KALRN: variants seen among roughly 807,000 people sequenced by gnomAD.
The protein encoded by KALRN is kalirin.
In KALRN, 70 loss-of-function variants were observed where a neutral mutation model predicts 353.7. The ratio of observed to expected loss-of-function variants is 0.20; its 90% confidence interval spans 0.16 to 0.24. The LOEUF (loss-of-function observed/expected upper bound fraction) is 0.24, where lower values mean the gene tolerates loss of function less well. KALRN is among the 10% of genes least tolerant of loss of function. The probability of loss-of-function intolerance (pLI) is 1.00; values close to 1 mark genes in which losing one functional copy is unlikely to be tolerated. For missense variants in KALRN, 2,791 were observed against 3,756.7 expected (o/e 0.74, Z 6.72); for synonymous variants, 1,391 against 1,434.8 (o/e 0.97, Z 0.69).
intron 1 of KALRN, among the ~76,000 whole-genome samples, chr3:124,138,651 TCTC>T (rs1350053210): frequency 6.6e-6 from 1 of 152,206 alleles, no homozygotes; most frequent in Non-Finnish European, 1.5e-5. Flanking sequence ...CCTTATGTAT[TCTC>T]CTCCTCCTTT....
intron 34 of KALRN, among the ~76,000 whole-genome samples, chr3:124,596,219 C>T (rs996738868): frequency 6.7e-6 from 1 of 149,850 alleles, no homozygotes; most frequent in African/African-American, 2.5e-5. Flanking sequence ...TGCAGTAGCT[C>T]ATGTCTGTAA....
chr3:124,113,742 G>C (rs944444463), intron 1 of KALRN, among the ~76,000 whole-genome samples: 1 of 152,244 alleles, frequency 6.6e-6, no homozygotes, highest in African/African-American at 2.4e-5. Context: ...CTCAGCCTGC[G>C]AGGCTCAAGG....
At chr3:124,480,492 A>G (rs774741651) in intron 27 of KALRN, among the ~76,000 whole-genome samples, 48 of 152,154 alleles carry the variant, frequency 3.2e-4, no homozygotes, top group Non-Finnish European at 4.6e-4. Flanking sequence ...AGCTTAGGGC[A>G]TGCCCCTACA....
intron 51 of KALRN, among the ~76,000 whole-genome samples, chr3:124,693,582 G>T (rs1168713988): frequency 2.0e-5 from 3 of 152,144 alleles, no homozygotes; most frequent in Non-Finnish European, 2.9e-5. Flanking sequence ...TGCCAGGCAG[G>T]AATGTGAACA....
Position 124,571,432 on chromosome 3 carries a change from GCA to G in KALRN, c.5182+8344_5182+8345del, listed in dbSNP as rs1288003600. ...ACACCTGATCTGTTGTCCTCTCTGG[GCA>G]TAGAGCTTAGAGGCAAGTGCCTTCT... On this transcript the variant is annotated intron_variant, in intron 34 of 59. Coordinates refer to ENST00000682506, the MANE Select transcript of KALRN (RefSeq NM_001388419.1). Among the ~76,000 whole-genome samples the G allele has an allele frequency of 4.6e-5, 7 of 152,306 alleles. No individual in the cohort carries two copies. In the East Asian group the frequency reaches 1.3e-3, roughly 29 times the overall value.
At chr3:124,051,893 G>T (rs78630271) in intron 1 of KALRN, among the ~76,000 whole-genome samples, 2,168 of 152,308 alleles carry the variant, frequency 0.014, 54 homozygotes, top group African/African-American at 0.048. Flanking sequence ...AGAGCAGTGG[G>T]CTGGGTTTCG....
At chr3:124,672,852 A>G (rs771628156) in intron 48 of KALRN, among the ~76,000 whole-genome samples, 5 of 152,210 alleles carry the variant, frequency 3.3e-5, no homozygotes, top group Admixed American at 1.3e-4. Context: ...TCTAGAACTC[A>G]GTGGCTCTAT....
At chr3:124,314,421 G>A (rs1036942594) in intron 6 of KALRN, among the ~76,000 whole-genome samples, 4 of 151,828 alleles carry the variant, frequency 2.6e-5, no homozygotes, top group African/African-American at 9.7e-5. Flanking sequence ...AATGGGTACA[G>A]CACACCAACA....
chr3:124,467,031 A>G (rs1037306286), intron 25 of KALRN, among the ~76,000 whole-genome samples: 1 of 152,222 alleles, frequency 6.6e-6, no homozygotes, highest in African/African-American at 2.4e-5. Flanking sequence ...CCAAGGTTAG[A>G]TGCCCCTTCT....
At chr3:124,631,065 C>T (rs1235543986) in intron 34 of KALRN, among the ~76,000 whole-genome samples, 1 of 152,194 alleles carries the variant, frequency 6.6e-6, no homozygotes, top group Non-Finnish European at 1.5e-5. Flanking sequence ...TATCAGGCAG[C>T]ATTTGACACG....
intron 5 of KALRN, among the ~76,000 whole-genome samples, chr3:124,281,075 A>G (rs751026975): frequency 6.6e-6 from 1 of 152,208 alleles, no homozygotes; most frequent in Non-Finnish European, 1.5e-5. Flanking sequence ...AAGAAAAAAA[A>G]CACGCAAAGG....
rs545340248 is a variant in KALRN, at chr3:124,612,353, G to A, written c.5183-20067G>A. ...CAAGTAGCTGGGATTACAGGCATGT[G>A]CCACCATGCCCAGCTAATTTTGTAT... On this transcript the variant is annotated intron_variant, in intron 34 of 59. Coordinates refer to ENST00000682506, the MANE Select transcript of KALRN (RefSeq NM_001388419.1). 1.5e-4 allele frequency among the ~76,000 whole-genome samples: 23 copies of A among 152,316 alleles called. No homozygotes were observed. In the South Asian group the frequency reaches 4.4e-3, roughly 29 times the overall value.
At chr3:124,185,076 C>T (rs193080598) in intron 1 of KALRN, among the ~76,000 whole-genome samples, 43 of 152,260 alleles carry the variant, frequency 2.8e-4, no homozygotes, top group African/African-American at 8.4e-4. Context: ...AGTGCAATGG[C>T]GTGATCTTGG....
intron 55 of KALRN, among the ~76,000 whole-genome samples, chr3:124,698,534 C>T (rs2150650838): frequency 6.6e-6 from 1 of 152,304 alleles, no homozygotes; most frequent in East Asian, 1.9e-4. Context: ...CCCTACTTAA[C>T]ATGCTCGATC....
chr3:124,086,286 C>T (rs533692767), intron 1 of KALRN, among the ~76,000 whole-genome samples: 27 of 149,528 alleles, frequency 1.8e-4, no homozygotes, highest in African/African-American at 5.2e-4. Flanking sequence ...TCAATTTAGT[C>T]TCCTACTAGG....
chr3:124,406,134 C>T (rs1395337892), intron 13 of KALRN, among the ~76,000 whole-genome samples: 1 of 152,208 alleles, frequency 6.6e-6, no homozygotes, highest in Non-Finnish European at 1.5e-5. Flanking sequence ...GACTGGATTT[C>T]ATTATTTCCA....
At chr3:124,179,519 G>A (rs2073264359) in intron 1 of KALRN, among the ~76,000 whole-genome samples, 1 of 152,110 alleles carries the variant, frequency 6.6e-6, no homozygotes, top group South Asian at 2.1e-4. Context: ...ACAAATATAT[G>A]AACCAGTTTT....
chr3:124,472,915 A>G (rs1043997927), intron 25 of KALRN, among the ~76,000 whole-genome samples: 2 of 152,218 alleles, frequency 1.3e-5, no homozygotes, highest in African/African-American at 4.8e-5. Context: ...AAAATCACCT[A>G]TGTAAGGACA....
intron 6 of KALRN, among the ~76,000 whole-genome samples, chr3:124,317,106 A>G (rs1194529024): frequency 6.6e-6 from 1 of 152,146 alleles, no homozygotes; most frequent in Admixed American, 6.5e-5. Context: ...AGAGCACGTC[A>G]AGGGCCCAAT....
Sources: gnomAD v4.1 joint callset for allele counts (sites outside exome capture counted in the v4.1 genomes callset) on GRCh38, gnomAD v4.1.1 for gene constraint, MANE v1.5 for transcripts, NCBI Gene and HGNC (gene_info 2026-07-23, HGNC 2026-07-21) for gene names.